Variants in CPT1C observed in about 807,000 individuals in gnomAD.
CPT1C encodes palmitoyl thioesterase CPT1C.
A neutral mutation model predicts 97.3 loss-of-function variants in CPT1C; 61 were observed. The observed-to-expected ratio is 0.63, with a 90% CI of 0.51 to 0.78. The LOEUF (loss-of-function observed/expected upper bound fraction) is 0.78, where lower values mean the gene tolerates loss of function less well. Among genes scored for constraint, CPT1C ranks in the 30% least tolerant of loss-of-function variants. CPT1C has a pLI of 0.00. For synonymous variants in CPT1C, 469 were observed against 447.2 expected, an observed-to-expected ratio of 1.05 and a Z score of -0.61; for missense variants, 975 against 1,065.5, an observed-to-expected ratio of 0.92 and a Z score of 1.18.
chr19:49,712,675 G>T (rs535715665), intron 17 of CPT1C, 61 bp from the exon 18 acceptor site: 5 of 1,263,856 alleles, frequency 4.0e-6, no homozygotes, highest in Non-Finnish European at 5.8e-6. Flanking sequence ...GGAGTGAAGT[G>T]GAGCCAAGGG....
intron 2 of CPT1C, 133 bp downstream of exon 2, chr19:49,692,022 G>C: frequency 1.9e-6 from 1 of 516,384 alleles, no homozygotes; most frequent in Admixed American, 3.7e-5. Context: ...GGAGGGGCTG[G>C]GGGCCTGGAC....
intron 14 of CPT1C, 133 bp downstream of exon 14, chr19:49,708,972 C>T: frequency 1.6e-6 from 1 of 624,956 alleles, no homozygotes; most frequent in Admixed American, 2.9e-5. Flanking sequence ...CATGCTTCCC[C>T]CACCCCCAAA....
In CPT1C at chr19:49,712,963, C is replaced by T. The variant is rs371001117; in HGVS notation, c.2134-9C>T. 3.7e-6 allele frequency: 6 copies of T among 1,612,868 alleles called. No individual in the cohort carries two copies. Among genetic ancestry groups the T allele is most frequent in the African/African-American group, 2.7e-5 (2 of 74,988 alleles). ...GCTATTTTCTTCCCTTCACTCTTTC[C>T]GTCTCCAGGCTGATGACCATGGTTA... is the stretch of plus-strand genomic sequence containing the variant. On this transcript the variant is annotated splice_polypyrimidine_tract_variant and intron_variant, in intron 18 of 19. Transcript: ENST00000598293.
chr19:49,698,049 CAA>C (rs748082031), intron 4 of CPT1C: 85 of 49,480 alleles, frequency 1.7e-3, no homozygotes, highest in African/African-American at 4.1e-3. Flanking sequence ...AACTCCATCT[CAA>C]AAAAAAAAAA....
intron 5 of CPT1C, among the ~76,000 whole-genome samples, 191 bp from the exon 6 acceptor site, chr19:49,701,110 CCCCCCTCTCTCTCTGG>C (rs2083017103): frequency 6.3e-5 from 3 of 47,704 alleles, no homozygotes; most frequent in Non-Finnish European, 8.6e-5. Flanking sequence ...TGGGTCTCTG[CCCCCCTCTCTCTCTGG>C]GTCTCTGTCC....
At chr19:49,693,603 G>C (rs2082474052) in intron 3 of CPT1C, among the ~76,000 whole-genome samples, 1 of 152,128 alleles carries the variant, frequency 6.6e-6, no homozygotes, top group South Asian at 2.1e-4. Context: ...GCCCTCTTTA[G>C]CATGGAGAAC....
At chr19:49,710,556 A>G in intron 15 of CPT1C, 72 bp downstream of exon 15, 14 of 1,588,384 alleles carry the variant, frequency 8.8e-6, no homozygotes, top group Non-Finnish European at 1.1e-5. Flanking sequence ...CTGCCCCTCC[A>G]CGGTTCCTTG....
chr19:49,701,223 T>C, intron 5 of CPT1C, 94 bp from the exon 6 acceptor site: 2 of 1,029,604 alleles, frequency 1.9e-6, no homozygotes, highest in Non-Finnish European at 2.9e-6. Context: ...CTCTGTGTCC[T>C]TCTCTTTGGG....
chr19:49,699,879 A>C (rs766484801), intron 4 of CPT1C, among the ~76,000 whole-genome samples: 47 of 151,930 alleles, frequency 3.1e-4, no homozygotes, highest in Non-Finnish European at 3.5e-4. Context: ...GCTTGAACCC[A>C]GGAGATGGAG....
intron 9 of CPT1C, 49 bp downstream of exon 9, chr19:49,705,163 T>G: frequency 6.2e-7 from 1 of 1,612,470 alleles, no homozygotes; most frequent in African/African-American, 1.3e-5. Context: ...CCTGTGGCCT[T>G]TGGGCCACGT....
rs139121663 is a variant in CPT1C, at chr19:49,710,460, C to T, written c.1707C>T (p.Ile569=). 65 of 1,614,088 alleles carry T rather than the reference C, an allele frequency of 4.0e-5. 1 individual carries two copies. Among genetic ancestry groups the T allele is most frequent in the African/African-American group, 2.5e-4 (19 of 74,936 alleles). Residue 569 remains isoleucine (I), a synonymous_variant, in exon 15 of 20, where the codon ATC becomes ATT. Transcript: ENST00000598293. The part of the protein sequence containing the change: ...CHLSSDSFIQ[I]ALQLAHFRDR... ...TCTCTTCAGACAGCTTCATCCAGAT[C>T]GCCTTGCAACTGGCCCACTTCCGGG... is the stretch of plus-strand genomic sequence containing the variant.
rs143091111 is a variant in CPT1C at position 49,712,808 on chromosome 19, A to G, written c.2092A>G (p.Asn698Asp). 7.3e-4 allele frequency: 1,184 copies of G among 1,613,976 alleles called. 3 individuals are homozygous for G. The highest frequency in any genetic ancestry group is 1.0e-3 in the Admixed American group (60 of 59,998). ...VQQMHLFDVH[N>D]YPDYVSSGGG... is the part of the protein sequence containing the mutation. ...GCAAATGCATCTGTTTGACGTCCAC[A>G]ATTACCCGGACTATGTTTCCTCAGG... Residue 698 changes from asparagine (N) to aspartate (D), a missense_variant, in exon 18 of 20, where the codon AAT (asparagine) becomes GAT (aspartate). Coordinates refer to ENST00000598293, the MANE Select transcript of CPT1C (RefSeq NM_001199753.2).
chr19:49,697,290 G>A (rs2082725268), intron 3 of CPT1C, 36 bp from the exon 4 acceptor site: 2 of 1,612,772 alleles, frequency 1.2e-6, no homozygotes, highest in African/African-American at 2.7e-5. Flanking sequence ...AGAGGAGAGG[G>A]CAGATGATTC....
intron 19 of CPT1C, 76 bp downstream of exon 19, chr19:49,713,140 C>G: frequency 7.6e-7 from 1 of 1,319,908 alleles, no homozygotes; most frequent in South Asian, 1.2e-5. Flanking sequence ...CCCCTCCTCC[C>G]TCAGACCCAG....
In CPT1C at chr19:49,708,717, CCA is replaced by C. The variant is rs2083658571; in HGVS notation, c.1450-3_1450-2del. The C allele has an allele frequency of 6.2e-7, 1 of 1,608,756 alleles. No homozygotes were observed. The highest frequency in any genetic ancestry group is 1.7e-5 in the Admixed American group (1 of 59,946). ...AGGGACTCTAACAGCCTCTGTTTGCCCACAGTTCACTCTGGCTACAGAATGCT... is the reference window on the plus strand; with the variant it reads ...AGGGACTCTAACAGCCTCTGTTTGCCCAGTTCACTCTGGCTACAGAATGCT... On this transcript the variant is annotated splice_region_variant and splice_polypyrimidine_tract_variant and intron_variant, in intron 13 of 19. Transcript: ENST00000598293.
chr19:49,710,773 C>T lies in CPT1C; in HGVS notation c.1782C>T (p.Phe594=), dbSNP rs376737655. ...LTYESAMTRL[F]LEGRTETVRS... ...ATGAGTCGGCCATGACTCGCTTATT[C>T]CTGGAAGGCCGGACGGAGACGGTGC... is the stretch of plus-strand genomic sequence containing the variant. Residue 594 remains phenylalanine (F), a synonymous_variant, in exon 16 of 20, where the codon TTC becomes TTT. Coordinates refer to ENST00000598293, the MANE Select transcript of CPT1C (RefSeq NM_001199753.2). 8.7e-6 allele frequency: 14 copies of T among 1,613,932 alleles called. No homozygotes were observed. In the East Asian group the frequency reaches 8.9e-5, roughly 10 times the overall value.
intron 3 of CPT1C, among the ~76,000 whole-genome samples, chr19:49,695,802 C>T (rs1432172158): frequency 1.3e-5 from 2 of 151,640 alleles, no homozygotes; most frequent in South Asian, 2.1e-4. Flanking sequence ...AGGATGGTCT[C>T]GATCTCTTGA....
chr19:49,713,524 G>A lies in CPT1C; in HGVS notation c.2331G>A (p.Lys777=), dbSNP rs2084059690. 2 of 1,614,226 alleles carry A rather than the reference G, an allele frequency of 1.2e-6. No homozygotes were observed. Among genetic ancestry groups the A allele is most frequent in the Non-Finnish European group, 1.7e-6 (2 of 1,180,038 alleles). Residue 777 remains lysine, a synonymous_variant, in exon 20 of 20, where the codon AAG becomes AAA. Coordinates refer to ENST00000598293, the MANE Select transcript of CPT1C (RefSeq NM_001199753.2). ...HFKRRFRGSG[K]ENSRHRCGFL... ...AGCGCCGGTTCAGAGGGTCAGGGAA[G>A]GAGAACTCCAGGCACAGGTGTGGAT... is the stretch of plus-strand genomic sequence containing the variant.
chr19:49,694,638 A>AG (rs1255731007), intron 3 of CPT1C, among the ~76,000 whole-genome samples: 1 of 150,722 alleles, frequency 6.6e-6, no homozygotes, highest in Non-Finnish European at 1.5e-5. Flanking sequence ...CAAAAAAAAA[A>AG]AAAAAAAAGG....
Sources: gnomAD v4.1 joint callset for allele counts (sites outside exome capture counted in the v4.1 genomes callset) on GRCh38, gnomAD v4.1.1 for gene constraint, MANE v1.5 for transcripts, NCBI Gene and HGNC (gene_info 2026-07-23, HGNC 2026-07-21) for gene names.